The following VAT1L variants were observed in gnomAD, a reference collection of about 807,000 sequenced individuals.
The protein encoded by VAT1L is vesicle amine transport 1 like.
Under a neutral mutation model 44.1 loss-of-function variants are expected in VAT1L, and 34 were observed. The observed-to-expected ratio is 0.77, with a 90% CI of 0.59 to 1.03. VAT1L has a LOEUF of 1.03. Among genes scored for constraint, VAT1L ranks in the 50% least tolerant of loss-of-function variants. VAT1L has a pLI of 0.00. For synonymous variants in VAT1L, 253 were observed against 202.2 expected, an observed-to-expected ratio of 1.25 and a Z score of -2.13; for missense variants, 615 against 538.8, an observed-to-expected ratio of 1.14 and a Z score of -1.40.
intron 2 of VAT1L, among the ~76,000 whole-genome samples, chr16:77,824,604 A>T (rs906250103): frequency 6.6e-6 from 1 of 151,510 alleles, no homozygotes; most frequent in Non-Finnish European, 1.5e-5. Context: ...AAATACAAAA[A>T]AATTAGCCGG....
intron 3 of VAT1L, among the ~76,000 whole-genome samples, chr16:77,841,391 A>G (rs1270238475): frequency 1.3e-5 from 2 of 152,154 alleles, no homozygotes; most frequent in Non-Finnish European, 2.9e-5. Context: ...CCAATAACAC[A>G]TTTTTTATGA....
chr16:77,798,873 C>T (rs562347463), intron 1 of VAT1L, among the ~76,000 whole-genome samples: 31 of 152,284 alleles, frequency 2.0e-4, no homozygotes, highest in Middle Eastern at 6.8e-3. Flanking sequence ...AGGCCACCCC[C>T]TTACTCCCTC....
At chr16:77,814,725 T>C (rs2016322895) in intron 1 of VAT1L, among the ~76,000 whole-genome samples, 1 of 152,252 alleles carries the variant, frequency 6.6e-6, no homozygotes, top group Non-Finnish European at 1.5e-5. Flanking sequence ...TTTTATTTAC[T>C]GTTATACAGT....
chr16:77,967,281 C>T (rs779747552), intron 7 of VAT1L, among the ~76,000 whole-genome samples: 3 of 152,202 alleles, frequency 2.0e-5, no homozygotes, highest in Non-Finnish European at 2.9e-5. Context: ...TGGTGCTTAA[C>T]TCAGCTAATC....
At chr16:77,843,872 G>C (rs546626435) in intron 3 of VAT1L, among the ~76,000 whole-genome samples, 1 of 152,234 alleles carries the variant, frequency 6.6e-6, no homozygotes, top group South Asian at 2.1e-4. Context: ...TTGTGGAGGA[G>C]GACCAGCAGA....
chr16:77,892,934 T>G, intron 7 of VAT1L: 3 of 897,622 alleles, frequency 3.3e-6, no homozygotes, highest in Non-Finnish European at 5.5e-6. Context: ...ACTTGTGTTT[T>G]ATCTTAACCT....
rs1257716867 is a variant in VAT1L at position 77,879,819 on chromosome 16, A to C, written c.882+595A>C. On this transcript the variant is annotated intron_variant, in intron 6 of 8. Coordinates refer to ENST00000302536, the MANE Select transcript of VAT1L (RefSeq NM_020927.3). This position sits in a 1 kb window ranked among gnomAD's most constrained non-coding sequence, Gnocchi z 4.1. The stretch of plus-strand genomic sequence containing the variant: ...TGGTGTCTTTAATTATTGGTCAAAA[A>C]TGAACTTAGCATTAGTGCATTTTCT... Among the ~76,000 whole-genome samples, 1 of 152,202 alleles carries C rather than the reference A, an allele frequency of 6.6e-6. No homozygotes were observed. Among genetic ancestry groups the C allele is most frequent in the African/African-American group, 2.4e-5 (1 of 41,448 alleles).
intron 4 of VAT1L, among the ~76,000 whole-genome samples, chr16:77,866,766 C>A (rs923757051): frequency 1.3e-5 from 2 of 152,112 alleles, no homozygotes; most frequent in Non-Finnish European, 2.9e-5. Context: ...ACCTTTACAT[C>A]CGTTACTTTC....
At chr16:77,795,978 A>G (rs2145206827) in intron 1 of VAT1L, among the ~76,000 whole-genome samples, 1 of 151,908 alleles carries the variant, frequency 6.6e-6, no homozygotes, top group East Asian at 1.9e-4. Flanking sequence ...GGTGCCTGCC[A>G]CCAAGCCCAG....
chr16:77,893,487 T>C (rs966949216), intron 7 of VAT1L, among the ~76,000 whole-genome samples: 1 of 152,198 alleles, frequency 6.6e-6, no homozygotes, highest in African/African-American at 2.4e-5. Flanking sequence ...TTTAAAGTCA[T>C]AGTAGGCCAT....
At chr16:77,900,054 A>G (rs2017364106) in intron 7 of VAT1L, among the ~76,000 whole-genome samples, 1 of 152,154 alleles carries the variant, frequency 6.6e-6, no homozygotes, top group South Asian at 2.1e-4. Flanking sequence ...GCTATACCTG[A>G]CTCTACACCT....
At chr16:77,843,457 C>T (rs2016727409) in intron 3 of VAT1L, among the ~76,000 whole-genome samples, 3 of 152,178 alleles carry the variant, frequency 2.0e-5, no homozygotes, top group Admixed American at 2.0e-4. Context: ...TCTGGCAAAC[C>T]TTACTTCCCA....
chr16:77,794,961 G>C (rs1374753363), intron 1 of VAT1L, among the ~76,000 whole-genome samples: 2 of 152,164 alleles, frequency 1.3e-5, no homozygotes, highest in African/African-American at 4.8e-5. Flanking sequence ...AATGAAATGG[G>C]CTTCTTGCTT....
intron 7 of VAT1L, among the ~76,000 whole-genome samples, chr16:77,933,674 G>C (rs1051786020): frequency 8.5e-5 from 13 of 152,210 alleles, no homozygotes; most frequent in African/African-American, 3.1e-4. Flanking sequence ...TGAAGCAAAG[G>C]AGGAGAGGTC....
chr16:77,968,844 A>C (rs2018250497), intron 7 of VAT1L, among the ~76,000 whole-genome samples: 2 of 152,052 alleles, frequency 1.3e-5, no homozygotes, highest in South Asian at 4.1e-4. Flanking sequence ...TTTTAAAGAC[A>C]GTCTCGCTCT....
At chr16:77,792,475 G>A (rs904030666) in intron 1 of VAT1L, among the ~76,000 whole-genome samples, 11 of 152,120 alleles carry the variant, frequency 7.2e-5, no homozygotes, top group Admixed American at 2.6e-4. Context: ...GGAAGAGGAA[G>A]GAGTTAAGCA....
chr16:77,881,754 T>C (rs1409801596), intron 6 of VAT1L, among the ~76,000 whole-genome samples: 2 of 152,202 alleles, frequency 1.3e-5, no homozygotes, highest in Admixed American at 6.5e-5. Context: ...TGGAGTGTAA[T>C]GAAGGATGCT....
intron 7 of VAT1L, among the ~76,000 whole-genome samples, chr16:77,932,984 T>C (rs2017749979): frequency 6.6e-6 from 1 of 152,164 alleles, no homozygotes; most frequent in East Asian, 1.9e-4. Context: ...ACACATTTCA[T>C]TGGCTAGAAC....
At chr16:77,933,808 C>T (rs2017760421) in intron 7 of VAT1L, among the ~76,000 whole-genome samples, 1 of 152,038 alleles carries the variant, frequency 6.6e-6, no homozygotes, top group South Asian at 2.1e-4. Flanking sequence ...GTGAAGGGGA[C>T]AACAGTAAAT....
Sources: gnomAD v4.1 joint callset for allele counts (sites outside exome capture counted in the v4.1 genomes callset) on GRCh38, gnomAD v4.1.1 for gene constraint, Gnocchi (gnomAD v3.1) non-coding constraint, MANE v1.5 for transcripts, NCBI Gene and HGNC (gene_info 2026-07-23, HGNC 2026-07-21) for gene names.